The following ASIC2 variants were observed in gnomAD, a reference collection of about 807,000 sequenced individuals.
The protein encoded by ASIC2 is acid sensing ion channel subunit 2.
ASIC2 carries 25 observed loss-of-function variants against 57.3 expected under a neutral mutation model. The observed-to-expected ratio is 0.44, with a 90% CI of 0.32 to 0.61. The LOEUF (loss-of-function observed/expected upper bound fraction) is 0.61, where lower values mean the gene tolerates loss of function less well. ASIC2 is among the 20% of genes least tolerant of loss of function. The pLI is 0.06. For synonymous variants in ASIC2, 319 were observed against 307.5 expected (o/e 1.04, Z -0.39); for missense variants, 641 against 738.1 (o/e 0.87, Z 1.52).
At chr17:34,155,681 G>T (rs923172016) in intron 1 of ASIC2, 20 of 405,368 alleles carry the variant, frequency 4.9e-5, no homozygotes, top group African/African-American at 4.1e-4. Flanking sequence ...GGACAGCCCA[G>T]GCCTCCTCCC....
chr17:33,740,972 C>T (rs1383595412), intron 1 of ASIC2, among the ~76,000 whole-genome samples: 6 of 152,136 alleles, frequency 3.9e-5, no homozygotes, highest in Admixed American at 3.3e-4. Context: ...CCTTCAACAC[C>T]TTAAGAGACT....
chr17:33,967,510 C>T (rs1324132728), intron 1 of ASIC2, among the ~76,000 whole-genome samples: 2 of 152,192 alleles, frequency 1.3e-5, no homozygotes, highest in African/African-American at 2.4e-5. Context: ...GCCAGGATTA[C>T]AGGTATAAGC....
chr17:33,929,335 T>C (rs906534761), intron 1 of ASIC2, among the ~76,000 whole-genome samples: 1 of 152,222 alleles, frequency 6.6e-6, no homozygotes, highest in African/African-American at 2.4e-5. Flanking sequence ...CCCAACCTCC[T>C]ACTTGACTGT....
chr17:33,918,605 G>T (rs1488809630), intron 1 of ASIC2, among the ~76,000 whole-genome samples: 1 of 152,078 alleles, frequency 6.6e-6, no homozygotes, highest in African/African-American at 2.4e-5. Context: ...TCTGTGGGTT[G>T]GGAGAAATTA....
chr17:33,091,480 GA>G (rs1271471204), intron 2 of ASIC2, among the ~76,000 whole-genome samples: 3 of 152,102 alleles, frequency 2.0e-5, no homozygotes, highest in Non-Finnish European at 4.4e-5. Context: ...CCAAGCTTAA[GA>G]AATCTTACAG....
At chr17:33,251,659 CTT>C (rs1908888810) in intron 1 of ASIC2, among the ~76,000 whole-genome samples, 1 of 152,132 alleles carries the variant, frequency 6.6e-6, no homozygotes, top group Non-Finnish European at 1.5e-5. Context: ...TTTTAGTTAA[CTT>C]TTAGACCAAT....
intron 1 of ASIC2, among the ~76,000 whole-genome samples, chr17:33,691,441 T>A (rs1483908325): frequency 2.0e-5 from 3 of 152,236 alleles, no homozygotes; most frequent in Non-Finnish European, 4.4e-5. Flanking sequence ...ATAGTATTTA[T>A]TTTTGTTTTC....
intron 1 of ASIC2, among the ~76,000 whole-genome samples, chr17:34,016,316 C>A (rs1365886582): frequency 6.9e-6 from 1 of 145,952 alleles, no homozygotes; most frequent in Non-Finnish European, 1.5e-5. Flanking sequence ...CACAGCTACT[C>A]GGGAGGCTGA....
chr17:33,803,383 G>A (rs1009533622), intron 1 of ASIC2, among the ~76,000 whole-genome samples: 1 of 152,044 alleles, frequency 6.6e-6, no homozygotes, highest in African/African-American at 2.4e-5. Context: ...GGAGAGATTT[G>A]CATACATGTG....
intron 1 of ASIC2, among the ~76,000 whole-genome samples, chr17:33,599,115 C>T (rs1905058895): frequency 6.6e-6 from 1 of 152,220 alleles, no homozygotes; most frequent in Non-Finnish European, 1.5e-5. Flanking sequence ...CTGTTTACTT[C>T]ACAGGGTTGT....
chr17:33,067,584 A>G (rs544701529), intron 3 of ASIC2, among the ~76,000 whole-genome samples: 1 of 152,300 alleles, frequency 6.6e-6, no homozygotes, highest in East Asian at 1.9e-4. Context: ...TCAAGAAACC[A>G]CACTTTATTC....
chr17:34,060,129 A>T (rs939409324), intron 1 of ASIC2, among the ~76,000 whole-genome samples: 6 of 152,214 alleles, frequency 3.9e-5, no homozygotes, highest in Admixed American at 3.9e-4. Context: ...AGGTGCTGGT[A>T]TCCACAGTTG....
chr17:33,729,709 G>A (rs1909679227), intron 1 of ASIC2, among the ~76,000 whole-genome samples: 1 of 152,178 alleles, frequency 6.6e-6, no homozygotes, highest in African/African-American at 2.4e-5. Flanking sequence ...AACCCTCACA[G>A]GGTTGCAGTG....
chr17:33,735,877 T>C (rs758431862), intron 1 of ASIC2, among the ~76,000 whole-genome samples: 10 of 152,166 alleles, frequency 6.6e-5, no homozygotes, highest in Non-Finnish European at 1.3e-4. Flanking sequence ...AACTTCACCA[T>C]TCTTGTTTCG....
At chr17:33,490,187 G>A (rs1316659601) in intron 1 of ASIC2, among the ~76,000 whole-genome samples, 1 of 151,914 alleles carries the variant, frequency 6.6e-6, no homozygotes, top group African/African-American at 2.4e-5. Context: ...TTAGGTCATT[G>A]CTATAGAGAC....
chr17:33,246,884 C>T (rs1197237277), intron 1 of ASIC2, among the ~76,000 whole-genome samples: 1 of 152,102 alleles, frequency 6.6e-6, no homozygotes, highest in Non-Finnish European at 1.5e-5. Flanking sequence ...TTGAGGGTTC[C>T]CCAGCACAGC....
chr17:34,010,405 T>C (rs1157849745), intron 1 of ASIC2, among the ~76,000 whole-genome samples: 1 of 152,186 alleles, frequency 6.6e-6, no homozygotes, highest in East Asian at 1.9e-4. Context: ...GGCTGTATCC[T>C]GGGTGCTCAA....
intron 1 of ASIC2, among the ~76,000 whole-genome samples, chr17:33,313,315 G>A (rs896523234): frequency 5.3e-5 from 8 of 150,512 alleles, no homozygotes; most frequent in South Asian, 2.1e-4. Flanking sequence ...GAAACAGAGC[G>A]AAACCCTGTT....
chr17:33,480,679 T>A (rs1312290737), intron 1 of ASIC2, among the ~76,000 whole-genome samples: 1 of 152,094 alleles, frequency 6.6e-6, no homozygotes, highest in Non-Finnish European at 1.5e-5. Context: ...GCTCGCCAGG[T>A]GGTATGGAGA....
Sources: gnomAD v4.1 joint callset for allele counts (sites outside exome capture counted in the v4.1 genomes callset) on GRCh38, gnomAD v4.1.1 for gene constraint, MANE v1.5 for transcripts, NCBI Gene and HGNC (gene_info 2026-07-23, HGNC 2026-07-21) for gene names.